Variants in SORCS3 observed in about 807,000 individuals in gnomAD.
SORCS3 encodes sortilin related VPS10 domain containing receptor 3, also known as VPS10 domain-containing receptor SorCS3.
SORCS3 carries 57 observed loss-of-function variants against 146.3 expected under a neutral mutation model. That is an observed-to-expected ratio of 0.39 (90% CI 0.31 to 0.49). The LOEUF (loss-of-function observed/expected upper bound fraction) is 0.49, where lower values mean the gene tolerates loss of function less well. Ranked by LOEUF, SORCS3 falls within the 20% of genes least tolerant of loss-of-function variation. SORCS3 has a pLI of 0.92. For missense variants in SORCS3, 1,341 were observed against 1,575.5 expected (o/e 0.85, Z 2.52); for synonymous variants, 653 against 618.5 (o/e 1.06, Z -0.83).
chr10:104,753,503 A>T (rs188444486), intron 1 of SORCS3, among the ~76,000 whole-genome samples: 15 of 152,328 alleles, frequency 9.8e-5, no homozygotes, highest in Non-Finnish European at 2.2e-4. Context: ...TGAATAAAGG[A>T]AGAACAGGAA....
At chr10:105,052,972 C>T (rs2055423178) in intron 5 of SORCS3, among the ~76,000 whole-genome samples, 1 of 152,076 alleles carries the variant, frequency 6.6e-6, no homozygotes. Context: ...GCTTAAGCAA[C>T]AGAAATTTGC....
At chr10:104,746,358 G>T (rs533646213) in intron 1 of SORCS3, among the ~76,000 whole-genome samples, 1 of 152,060 alleles carries the variant, frequency 6.6e-6, no homozygotes, top group Non-Finnish European at 1.5e-5. Context: ...GGATGGTCTC[G>T]ATCTCCTGAC....
At chr10:105,041,691 G>A (rs1269731464) in intron 4 of SORCS3, among the ~76,000 whole-genome samples, 2 of 152,044 alleles carry the variant, frequency 1.3e-5, no homozygotes, top group African/African-American at 2.4e-5. Context: ...AATTATTTCT[G>A]TATGAGTTGT....
intron 1 of SORCS3, among the ~76,000 whole-genome samples, chr10:104,754,860 T>A (rs886490280): frequency 3.3e-5 from 5 of 152,230 alleles, no homozygotes; most frequent in Admixed American, 2.0e-4. Flanking sequence ...CATTAGAGGA[T>A]GGCAATTTGA....
chr10:105,244,008 C>G (rs1248490423), intron 20 of SORCS3, among the ~76,000 whole-genome samples: 1 of 152,108 alleles, frequency 6.6e-6, no homozygotes, highest in East Asian at 1.9e-4. Context: ...CTGCAGCTGG[C>G]TACATTGCTA....
intron 7 of SORCS3, among the ~76,000 whole-genome samples, chr10:105,137,020 C>T (rs2056063427): frequency 6.6e-6 from 1 of 152,136 alleles, no homozygotes; most frequent in Admixed American, 6.6e-5. Context: ...GGGCTGATCA[C>T]GCTGTCAAAG....
intron 2 of SORCS3, among the ~76,000 whole-genome samples, chr10:104,907,161 C>T (rs2018915024): frequency 7.1e-6 from 1 of 141,268 alleles, no homozygotes; most frequent in Admixed American, 7.0e-5. Flanking sequence ...GTGTAATACA[C>T]TCTATTTAGC....
Position 105,147,676 on chromosome 10 carries a change from C to T in SORCS3, c.1362C>T (p.Asn454=), listed in dbSNP as rs775145626. The T allele has an allele frequency of 5.0e-6, 8 of 1,612,918 alleles. No individual in the cohort carries two copies. The East Asian group carries it at 1.3e-4, about 27-fold the overall frequency. Residue 454 remains asparagine, a synonymous_variant, in exon 9 of 27, where the codon AAC becomes AAT. Coordinates refer to ENST00000369701, the MANE Select transcript of SORCS3 (RefSeq NM_014978.3). ...NQVFAAVQEW[N]QNDTYNLYIS... is the part of the protein sequence containing the mutation. ...TATTTGCTGCGGTCCAAGAATGGAA[C>T]CAGAACGACACGTACAACCTCTACA...
At position 105,204,369 on chromosome 10, in the gene SORCS3, TAA is replaced by T. The variant is rs372234222; in HGVS notation, c.2261+3118_2261+3119del. Among the ~76,000 whole-genome samples, 10 of 152,122 alleles carry T rather than the reference TAA, an allele frequency of 6.6e-5. No individual in the cohort carries two copies. In the East Asian group the frequency reaches 1.9e-3, roughly 29 times the overall value. ...AGATTCATTTTGCTTCAGAAAAAAA[TAA>T]AGTTTCCAAGTTTACTTACTCTAAA... is the stretch of plus-strand genomic sequence containing the variant. On this transcript the variant is annotated intron_variant, in intron 16 of 26. Transcript: ENST00000369701.
chr10:105,233,278 G>A (rs2119695125), intron 20 of SORCS3, among the ~76,000 whole-genome samples: 1 of 152,030 alleles, frequency 6.6e-6, no homozygotes. Context: ...TCTCACTGTT[G>A]TCACTCATTT....
intron 1 of SORCS3, among the ~76,000 whole-genome samples, chr10:104,694,307 G>T (rs1428652702): frequency 1.3e-5 from 2 of 151,528 alleles, no homozygotes; most frequent in African/African-American, 2.4e-5. Context: ...AAGTGACAGG[G>T]TATTAGGGAA....
chr10:104,686,577 G>T (rs539444476), intron 1 of SORCS3, among the ~76,000 whole-genome samples: 2 of 152,248 alleles, frequency 1.3e-5, no homozygotes, highest in South Asian at 2.1e-4. Context: ...CAGGAACCCT[G>T]GGGGAGAGCC....
At position 104,763,879 on chromosome 10, in the gene SORCS3, C is replaced by T. The variant is rs1003678608; in HGVS notation, c.628-78913C>T. On this transcript the variant is annotated intron_variant, in intron 1 of 26. Coordinates refer to ENST00000369701, the MANE Select transcript of SORCS3 (RefSeq NM_014978.3). ...GTTTCATAAGTGGTTGGTAGTTCCT[C>T]CTGCATTCATTCTCTCTCCTGCCAC... Among the ~76,000 whole-genome samples the T allele has an allele frequency of 1.5e-4, 23 of 152,082 alleles. 1 individual carries two copies. The highest frequency in any genetic ancestry group is 6.6e-5 in the Admixed American group (1 of 15,266).
At chr10:105,095,871 AT>A (rs1230881507) in intron 6 of SORCS3, among the ~76,000 whole-genome samples, 1 of 152,138 alleles carries the variant, frequency 6.6e-6, no homozygotes, top group African/African-American at 2.4e-5. Flanking sequence ...TGATTTATTT[AT>A]TCATTCAGGG....
chr10:105,026,508 C>T (rs373326173), intron 4 of SORCS3, among the ~76,000 whole-genome samples: 2 of 152,264 alleles, frequency 1.3e-5, no homozygotes, highest in South Asian at 4.1e-4. Flanking sequence ...ATTGTTCTAC[C>T]AAAAGGACAC....
chr10:105,251,413 A>G (rs142150494), intron 22 of SORCS3, among the ~76,000 whole-genome samples: 2 of 152,272 alleles, frequency 1.3e-5, no homozygotes, highest in East Asian at 3.9e-4. Context: ...TTAGGTGGGG[A>G]CACAAAGCGT....
At chr10:105,262,310 T>G (rs758228978) in intron 25 of SORCS3, 21 bp from the exon 26 acceptor site, 2 of 1,607,686 alleles carry the variant, frequency 1.2e-6, no homozygotes, top group Non-Finnish European at 8.5e-7. Flanking sequence ...CTTAACCTGA[T>G]TTTGCTCCTG....
In SORCS3 at chr10:105,104,949, T is replaced by A. The variant is rs560171244; in HGVS notation, c.1094-448T>A. Among the ~76,000 whole-genome samples the A allele has an allele frequency of 5.9e-5, 9 of 152,272 alleles. 1 individual carries two copies. Among genetic ancestry groups the A allele is most frequent in the Admixed American group, 2.6e-4 (4 of 15,294 alleles). ...ATGGGCATTGAGCCTATTTCTAATT[T>A]TTTACTACTATGAACAATGCCACTG... is the stretch of plus-strand genomic sequence containing the variant. On this transcript the variant is annotated intron_variant, in intron 6 of 26. Coordinates refer to ENST00000369701, the MANE Select transcript of SORCS3 (RefSeq NM_014978.3).
intron 3 of SORCS3, among the ~76,000 whole-genome samples, chr10:104,930,519 C>T (rs2019196034): frequency 1.3e-5 from 2 of 152,134 alleles, no homozygotes; most frequent in African/African-American, 4.8e-5. Context: ...AAAAATATTC[C>T]CTGCCGAGAG....
Sources: allele counts gnomAD v4.1 joint callset (sites outside exome capture counted in the v4.1 genomes callset), GRCh38; gene constraint gnomAD v4.1.1; transcripts MANE v1.5; gene names NCBI Gene and HGNC (gene_info 2026-07-23, HGNC 2026-07-21).